SLC22A15: variants seen among roughly 807,000 people sequenced by gnomAD.
The protein encoded by SLC22A15 is flipt 1.
Under a neutral mutation model 62.7 loss-of-function variants are expected in SLC22A15, and 45 were observed. That is an observed-to-expected ratio of 0.72 (90% CI 0.56 to 0.92). The LOEUF is 0.92. SLC22A15 is among the 40% of genes least tolerant of loss of function. The probability of loss-of-function intolerance (pLI) is 0.00; values close to 1 mark genes in which losing one functional copy is unlikely to be tolerated. For synonymous variants in SLC22A15, 264 were observed against 267.0 expected (o/e 0.99, Z 0.11); for missense variants, 622 against 665.6 (o/e 0.93, Z 0.72).
chr1:115,977,670 C>T (rs775086229), intron 1 of SLC22A15, among the ~76,000 whole-genome samples: 1 of 152,152 alleles, frequency 6.6e-6, no homozygotes, highest in Non-Finnish European at 1.5e-5. Context: ...ATTGACTGCC[C>T]TCAGGAGCTT....
At chr1:116,051,645 T>G (rs565160462) in intron 8 of SLC22A15, among the ~76,000 whole-genome samples, 8 of 152,290 alleles carry the variant, frequency 5.3e-5, no homozygotes, top group Admixed American at 5.2e-4. Context: ...TTCTAGATAT[T>G]GGCTTAGGCA....
At chr1:116,057,750 CT>C (rs1367340542) in intron 8 of SLC22A15, among the ~76,000 whole-genome samples, 2 of 152,138 alleles carry the variant, frequency 1.3e-5, no homozygotes, top group African/African-American at 4.8e-5. Flanking sequence ...AGTTCATGTC[CT>C]TTGTAGGGAC....
At chr1:115,983,802 C>T (rs532104071) in intron 1 of SLC22A15, among the ~76,000 whole-genome samples, 10 of 152,268 alleles carry the variant, frequency 6.6e-5, no homozygotes, top group African/African-American at 1.9e-4. Context: ...GACTGTGCCA[C>T]GCCAATGAGG....
intron 8 of SLC22A15, among the ~76,000 whole-genome samples, chr1:116,043,978 G>T (rs1356733517): frequency 6.6e-6 from 1 of 152,132 alleles, no homozygotes; most frequent in African/African-American, 2.4e-5. Context: ...CCCACAAAAA[G>T]AATTCTAGGC....
chr1:116,006,785 C>CTCTGTT (rs1293194012), intron 2 of SLC22A15, among the ~76,000 whole-genome samples: 3 of 151,878 alleles, frequency 2.0e-5, no homozygotes, highest in Non-Finnish European at 4.4e-5. Context: ...GTATTTACCT[C>CTCTGTT]TCTGTTTCTG....
chr1:116,043,396 A>T (rs1226770614), intron 8 of SLC22A15, among the ~76,000 whole-genome samples: 1 of 152,222 alleles, frequency 6.6e-6, no homozygotes, highest in East Asian at 1.9e-4. Context: ...ACTGCACTCT[A>T]GCCTGGGTGA....
chr1:115,995,101 C>T (rs190650766), intron 2 of SLC22A15, among the ~76,000 whole-genome samples: 1 of 152,110 alleles, frequency 6.6e-6, no homozygotes, highest in African/African-American at 2.4e-5. Flanking sequence ...GGTTTTGCAT[C>T]CCAAGTCAGA....
intron 1 of SLC22A15, among the ~76,000 whole-genome samples, chr1:115,991,040 G>C (rs372202409): frequency 6.6e-6 from 1 of 152,188 alleles, no homozygotes; most frequent in Non-Finnish European, 1.5e-5. Context: ...CTGCAGGAGC[G>C]ATGATTAAAG....
chr1:116,064,676 G>A (rs1253625692), intron 10 of SLC22A15, among the ~76,000 whole-genome samples, 168 bp downstream of exon 10: 3 of 152,216 alleles, frequency 2.0e-5, no homozygotes, highest in Non-Finnish European at 2.9e-5. Flanking sequence ...GACTCTTATC[G>A]AGGATTCATT....
chr1:115,995,039 A>G (rs747211605), intron 2 of SLC22A15, among the ~76,000 whole-genome samples: 26 of 151,964 alleles, frequency 1.7e-4, no homozygotes, highest in African/African-American at 5.3e-4. Context: ...CTCTTTTTCA[A>G]AATAAGAATG....
At chr1:116,021,426 T>G (rs1316911474) in intron 4 of SLC22A15, among the ~76,000 whole-genome samples, 9 of 152,232 alleles carry the variant, frequency 5.9e-5, no homozygotes, top group Admixed American at 5.9e-4. Context: ...GATAGTAAAA[T>G]AAATGATTTT....
rs71096859 is a variant in SLC22A15 at position 116,058,052 on chromosome 1, T to TATAATAATA, written c.1172-4697_1172-4689dup. The stretch of plus-strand genomic sequence containing the variant: ...TGCACATGTACCCTAAAACTTAAAG[T>TATAATAATA]ATAATAATAATAATAATAATACTGA... On this transcript the variant is annotated intron_variant, in intron 8 of 11. Transcript: ENST00000369503. Among the ~76,000 whole-genome samples, 27 of 147,216 alleles carry TATAATAATA rather than the reference T, an allele frequency of 1.8e-4. No individual in the cohort carries two copies. The South Asian group carries it at 3.0e-3, about 16-fold the overall frequency.
At position 116,031,487 on chromosome 1, in the gene SLC22A15, C is replaced by G. The variant is rs575544385; in HGVS notation, c.850C>G (p.Pro284Ala). 1 of 1,613,980 alleles carries G rather than the reference C, an allele frequency of 6.2e-7. No individual in the cohort carries two copies. Among genetic ancestry groups the G allele is most frequent in the Middle Eastern group, 1.7e-4 (1 of 6,058 alleles). ...KLKCTFSLTH[P>A]ANRSCRETGS... The stretch of plus-strand genomic sequence containing the variant: ...CAAGTGCACGTTCTCACTAACACAC[C>G]CAGCCAACAGGAGCTGCAGGGAGAC... Residue 284 changes from proline (P) to alanine (A), a missense_variant, in exon 6 of 12, where the codon CCA (proline) becomes GCA (alanine). Coordinates refer to ENST00000369503, the MANE Select transcript of SLC22A15 (RefSeq NM_018420.3).
intron 8 of SLC22A15, among the ~76,000 whole-genome samples, chr1:116,037,795 C>T (rs536058384): frequency 1.3e-5 from 2 of 152,068 alleles, no homozygotes; most frequent in Non-Finnish European, 2.9e-5. Flanking sequence ...GCTTTGGTAC[C>T]CCTCAAATCT....
chr1:115,976,777 C>A (rs971871424), intron 1 of SLC22A15, 63 bp downstream of exon 1: 4 of 1,313,718 alleles, frequency 3.0e-6, no homozygotes, highest in Non-Finnish European at 4.2e-6. Context: ...CAGGGCTAGG[C>A]GTCCGCTCCC....
chr1:115,988,208 T>C (rs561242177), intron 1 of SLC22A15, among the ~76,000 whole-genome samples: 2 of 152,254 alleles, frequency 1.3e-5, no homozygotes, highest in Non-Finnish European at 2.9e-5. Context: ...TGGTAGACAA[T>C]GGATAGTGGT....
intron 1 of SLC22A15, among the ~76,000 whole-genome samples, chr1:115,984,603 G>A (rs913942361): frequency 2.0e-5 from 3 of 152,100 alleles, no homozygotes; most frequent in Non-Finnish European, 4.4e-5. Flanking sequence ...ATTTTAGAGT[G>A]TACTCCTTCT....
At chr1:116,060,049 C>T (rs1035805548) in intron 8 of SLC22A15, among the ~76,000 whole-genome samples, 1 of 152,176 alleles carries the variant, frequency 6.6e-6, no homozygotes, top group East Asian at 1.9e-4. Flanking sequence ...TCACTTTGGA[C>T]ATTCATTGGT....
At chr1:116,016,936 A>C (rs1656566385) in intron 2 of SLC22A15, among the ~76,000 whole-genome samples, 1 of 152,180 alleles carries the variant, frequency 6.6e-6, no homozygotes, top group Admixed American at 6.5e-5. Flanking sequence ...ATCATATTGC[A>C]TTCTCATAAA....
Sources: allele counts gnomAD v4.1 joint callset (sites outside exome capture counted in the v4.1 genomes callset), GRCh38; gene constraint gnomAD v4.1.1; transcripts MANE v1.5; gene names NCBI Gene and HGNC (gene_info 2026-07-23, HGNC 2026-07-21).